Variants in CCDC61 observed in about 807,000 individuals in gnomAD.
CCDC61 encodes the protein centrosomal protein CCDC61.
A neutral mutation model predicts 63.0 loss-of-function variants in CCDC61; 55 were observed. That is an observed-to-expected ratio of 0.87 (90% confidence interval 0.70 to 1.09). The LOEUF (loss-of-function observed/expected upper bound fraction) is 1.09, where lower values mean the gene tolerates loss of function less well. Among genes scored for constraint, CCDC61 ranks in the 50% least tolerant of loss-of-function variants. The probability of loss-of-function intolerance (pLI) is 0.00; values close to 1 mark genes in which losing one functional copy is unlikely to be tolerated. For synonymous variants in CCDC61, 270 were observed against 317.0 expected (o/e 0.85, Z 1.58); for missense variants, 651 against 731.4 (o/e 0.89, Z 1.27).
chr19:46,017,658 G>A (rs1008135022), intron 12 of CCDC61, among the ~76,000 whole-genome samples: 8 of 152,114 alleles, frequency 5.3e-5, no homozygotes, highest in African/African-American at 9.7e-5. Context: ...CTCCTACAGC[G>A]CTGGAGTTAC....
At chr19:46,006,823 G>C in intron 4 of CCDC61, 107 bp downstream of exon 4, 1 of 1,065,112 alleles carries the variant, frequency 9.4e-7, no homozygotes, top group Non-Finnish European at 1.4e-6. Context: ...TATTGGTTAA[G>C]CCTTGCCTTG....
Position 46,015,289 on chromosome 19 carries a change from G to A in CCDC61, c.762+30G>A. Reference sequence around the variant, plus strand: ...GCAGCGGGGGCCCGGGGCGGCCAGCGAGGCGCGGACCTCGGCCTCAGCCTG... The same window carrying A: ...GCAGCGGGGGCCCGGGGCGGCCAGCAAGGCGCGGACCTCGGCCTCAGCCTG... On this transcript the variant is annotated intron_variant, in intron 6 of 13. Transcript: ENST00000595358. This position sits in a 1 kb window ranked among gnomAD's most constrained non-coding sequence, Gnocchi z 5.3. 1.3e-6 allele frequency: 2 copies of A among 1,554,106 alleles called. No individual in the cohort carries two copies. The highest frequency in any genetic ancestry group is 1.7e-6 in the Non-Finnish European group (2 of 1,159,840).
chr19:46,017,150 G>C, intron 11 of CCDC61, 81 bp downstream of exon 11: 1 of 1,542,808 alleles, frequency 6.5e-7, no homozygotes, highest in Non-Finnish European at 8.8e-7. Context: ...GGGAAATTGG[G>C]TGATGGAGCC....
intron 1 of CCDC61, among the ~76,000 whole-genome samples, chr19:45,997,516 A>G (rs961508502): frequency 7.9e-5 from 12 of 151,598 alleles, no homozygotes; most frequent in African/African-American, 2.7e-4. Flanking sequence ...TCAGCCTCCC[A>G]ACTAGCTGGG....
At chr19:46,014,245 G>T (rs1054817546) in intron 5 of CCDC61, among the ~76,000 whole-genome samples, 1 of 152,090 alleles carries the variant, frequency 6.6e-6, no homozygotes, top group African/African-American at 2.4e-5. Flanking sequence ...TCCAGCCAGA[G>T]AAGTCCAATT....
chr19:46,015,400 C>CCAGCGAGCTGGCATTGTACA lies in CCDC61; in HGVS notation c.819_838dup (p.Lys280ThrfsTer79). On this transcript the variant is annotated frameshift_variant, in exon 7 of 14. Transcript: ENST00000595358. LOFTEE classifies it high-confidence loss of function. The surrounding 1 kb of genome is among the most constrained non-coding windows in gnomAD (Gnocchi z 5.3). ...CTGCGCGCCCGGCTGAAGACGCTGA[C>CCAGCGAGCTGGCATTGTACA]CAGCGAGCTGGCATTGTACAAGAGG... 6.2e-7 allele frequency: 1 copy of CCAGCGAGCTGGCATTGTACA among 1,602,436 alleles called. No homozygotes were observed. Among genetic ancestry groups the CCAGCGAGCTGGCATTGTACA allele is most frequent in the African/African-American group, 1.3e-5 (1 of 74,828 alleles).
intron 5 of CCDC61, among the ~76,000 whole-genome samples, chr19:46,009,003 C>G (rs1968772869): frequency 1.3e-5 from 2 of 152,278 alleles, no homozygotes; most frequent in South Asian, 2.1e-4. Flanking sequence ...ACGTAGTGCC[C>G]AGCCCTGGGG....
At chr19:46,002,433 CT>C (rs1968608675) in intron 1 of CCDC61, among the ~76,000 whole-genome samples, 1 of 127,184 alleles carries the variant, frequency 7.9e-6, no homozygotes, top group Non-Finnish European at 1.7e-5. Flanking sequence ...TCATGTATTT[CT>C]TTTCTTTCTT....
At position 46,016,398 on chromosome 19, in the gene CCDC61, G is replaced by T; in HGVS notation, c.1091+5G>T. ...GCAGAGAGAGATCCAGATGAAGTCA[G>T]TGCCCCTTCCTCCCTCACCTGCCCC... On this transcript the variant is annotated splice_donor_5th_base_variant and intron_variant, in intron 9 of 13. Transcript: ENST00000595358. This position sits in a 1 kb window ranked among gnomAD's most constrained non-coding sequence, Gnocchi z 7.2. The T allele has an allele frequency of 2.5e-6, 4 of 1,613,560 alleles. No homozygotes were observed. Among genetic ancestry groups the T allele is most frequent in the Non-Finnish European group, 3.4e-6 (4 of 1,179,814 alleles).
intron 5 of CCDC61, among the ~76,000 whole-genome samples, chr19:46,010,700 G>T (rs1968811323): frequency 6.6e-6 from 1 of 152,202 alleles, no homozygotes; most frequent in Admixed American, 6.5e-5. Context: ...CACCACAAAA[G>T]TAAACAGTAG....
chr19:46,016,885 T>G lies in CCDC61; in HGVS notation c.1231+52T>G, dbSNP rs1600656030. The G allele has an allele frequency of 4.1e-6, 1 of 243,484 alleles. No homozygotes were observed. Among genetic ancestry groups the G allele is most frequent in the Non-Finnish European group, 7.7e-6 (1 of 129,256 alleles). The allele number at this position is 243,484 out of a possible 1,614,324, so 15.1% of individuals were successfully genotyped here. A position where few individuals can be genotyped will look rare whatever the true frequency, so the allele number is the denominator to read the frequency against. ...CGGGCTAGGCGGGACTGGGCGGGGC[T>G]GGGCGGGCTGGGAGGCACTGGGCAG... is the stretch of plus-strand genomic sequence containing the variant. On this transcript the variant is annotated intron_variant, in intron 10 of 13. Coordinates refer to ENST00000595358, the MANE Select transcript of CCDC61 (RefSeq NM_001267723.2). This position sits in a 1 kb window ranked among gnomAD's most constrained non-coding sequence, Gnocchi z 7.2.
intron 1 of CCDC61, among the ~76,000 whole-genome samples, chr19:45,999,809 G>T (rs1382760656): frequency 6.6e-6 from 1 of 152,136 alleles, no homozygotes; most frequent in Non-Finnish European, 1.5e-5. Flanking sequence ...ATGATGTCAT[G>T]AGGCCCGAGA....
chr19:46,008,337 G>T, intron 5 of CCDC61, 36 bp downstream of exon 5: 1 of 942,562 alleles, frequency 1.1e-6, no homozygotes. Flanking sequence ...GGGGCGGGTG[G>T]GGGCCCTCCC....
At chr19:46,006,463 A>G (rs775542042) in intron 3 of CCDC61, 96 bp from the exon 4 acceptor site, 902 of 1,240,938 alleles carry the variant, frequency 7.3e-4, no homozygotes, top group Non-Finnish European at 9.3e-4. Context: ...TAGCCCGCCT[A>G]GAGAACGGGA....
At chr19:46,013,356 CT>C (rs1968864553) in intron 5 of CCDC61, among the ~76,000 whole-genome samples, 1 of 151,782 alleles carries the variant, frequency 6.6e-6, no homozygotes, top group South Asian at 2.1e-4. Flanking sequence ...GGGGATTTAC[CT>C]TGTTGCCCAG....
At chr19:46,005,167 T>C (rs141194611) in intron 3 of CCDC61, among the ~76,000 whole-genome samples, 1,529 of 152,190 alleles carry the variant, frequency 0.01, 17 homozygotes, top group South Asian at 0.016. Context: ...TGCGCCATCA[T>C]GCCCGGCTAA....
At chr19:46,005,989 A>C (rs1968701464) in intron 3 of CCDC61, among the ~76,000 whole-genome samples, 1 of 151,982 alleles carries the variant, frequency 6.6e-6, no homozygotes, top group South Asian at 2.1e-4. Flanking sequence ...AAAATTAATA[A>C]TTTTTACTGC....
chr19:46,000,046 T>C lies in CCDC61; in HGVS notation c.-11-2962T>C, dbSNP rs572559928. 27 of 984,236 alleles carry C rather than the reference T, an allele frequency of 2.7e-5. No individual in the cohort carries two copies. In the African/African-American group the frequency reaches 4.2e-4, roughly 15 times the overall value. The allele number at this position is 984,236 out of a possible 1,614,324, so 61.0% of individuals were successfully genotyped here. A position where few individuals can be genotyped will look rare whatever the true frequency, so the allele number is the denominator to read the frequency against. ...GCCACTGGTCATTCCGAAGCAAGGA[T>C]GGAGGATGCAGGTAGAGGGACAGGG... On this transcript the variant is annotated intron_variant, in intron 1 of 13. Coordinates refer to ENST00000595358, the MANE Select transcript of CCDC61 (RefSeq NM_001267723.2).
At chr19:46,004,454 G>A (rs1968658410) in intron 3 of CCDC61, among the ~76,000 whole-genome samples, 1 of 151,898 alleles carries the variant, frequency 6.6e-6, no homozygotes, top group Non-Finnish European at 1.5e-5. Context: ...CATAATGTCA[G>A]GTATTTAAAA....
Sources: gnomAD v4.1 joint callset for allele counts (sites outside exome capture counted in the v4.1 genomes callset) on GRCh38, gnomAD v4.1.1 for gene constraint, Gnocchi (gnomAD v3.1) non-coding constraint, MANE v1.5 for transcripts, NCBI Gene and HGNC (gene_info 2026-07-23, HGNC 2026-07-21) for gene names.